Variants in PHIP observed in about 807,000 individuals in gnomAD.
The protein encoded by PHIP is PHIP subunit of CUL4-Ring ligase complex, also known as PH-interacting protein.
In PHIP, 54 loss-of-function variants were observed where a neutral mutation model predicts 236.8. That is an observed-to-expected ratio of 0.23 (90% CI 0.18 to 0.29). PHIP has a LOEUF of 0.29. PHIP is among the 10% of genes least tolerant of loss of function. The pLI is 1.00. For synonymous variants in PHIP, 756 were observed against 718.9 expected (o/e 1.05, Z -0.83); for missense variants, 1,370 against 2,190.8 (o/e 0.63, Z 7.48).
chr6:78,966,759 TGTC>T (rs1279484522), intron 27 of PHIP, among the ~76,000 whole-genome samples: 1 of 152,228 alleles, frequency 6.6e-6, no homozygotes, highest in African/African-American at 2.4e-5. Flanking sequence ...GTTCCTTCTG[TGTC>T]ATAAGAAAAC....
chr6:79,077,357 C>T lies in PHIP; in HGVS notation c.189+91G>A, dbSNP rs1774223517. ...CTTTGGAGCTTTCACGTTCTAGGGC[C>T]AAGTTTTTGTCTCTGTAAAAAATTG... On this transcript the variant is annotated intron_variant, in intron 4 of 39. Coordinates refer to ENST00000275034, the MANE Select transcript of PHIP (RefSeq NM_017934.7). The T allele has an allele frequency of 3.3e-6, 4 of 1,225,296 alleles. No individual in the cohort carries two copies. In the South Asian group the frequency reaches 3.6e-5, roughly 11 times the overall value. 75.9% of individuals were successfully genotyped at this position (1,225,296 alleles called of 1,614,324 possible).
chr6:79,048,907 T>C (rs991421910), intron 6 of PHIP, among the ~76,000 whole-genome samples: 4 of 152,108 alleles, frequency 2.6e-5, no homozygotes, highest in South Asian at 2.1e-4. Context: ...AGTAGAAGAA[T>C]TAAGTGAGGA....
At chr6:79,051,087 A>G (rs1020785524) in intron 6 of PHIP, among the ~76,000 whole-genome samples, 17 of 152,136 alleles carry the variant, frequency 1.1e-4, no homozygotes, top group South Asian at 6.2e-4. Flanking sequence ...TAGAGCCACA[A>G]TGGAAAGACC....
chr6:78,979,370 T>A (rs1390388793), intron 23 of PHIP, among the ~76,000 whole-genome samples: 4 of 152,050 alleles, frequency 2.6e-5, no homozygotes, highest in African/African-American at 9.7e-5. Flanking sequence ...TCTCCTTTCC[T>A]TTCAAAATGC....
At chr6:79,072,978 A>G (rs1359024370) in intron 4 of PHIP, among the ~76,000 whole-genome samples, 1 of 152,216 alleles carries the variant, frequency 6.6e-6, no homozygotes, top group Admixed American at 6.5e-5. Context: ...GTTATTACTC[A>G]CAGACCACAC....
chr6:78,984,200 T>A (rs1768724621), intron 22 of PHIP, among the ~76,000 whole-genome samples: 1 of 152,204 alleles, frequency 6.6e-6, no homozygotes, highest in Non-Finnish European at 1.5e-5. Context: ...CTGATTATCC[T>A]AATCATCCCA....
intron 4 of PHIP, among the ~76,000 whole-genome samples, chr6:79,075,823 A>G (rs1774129579): frequency 6.6e-6 from 1 of 152,146 alleles, no homozygotes; most frequent in African/African-American, 2.4e-5. Context: ...AGCAGATGCA[A>G]AGACGAGTTT....
Position 78,958,462 on chromosome 6 carries a change from A to C in PHIP, c.3782+13T>G. 7.0e-7 allele frequency: 1 copy of C among 1,418,574 alleles called. No individual in the cohort carries two copies. 87.9% of individuals were successfully genotyped at this position (1,418,574 alleles called of 1,614,324 possible). A position where few individuals can be genotyped will look rare whatever the true frequency, so the allele number is the denominator to read the frequency against. ...TTAAAACTATCATAATTACATATGAAAAGATAACTTACTTTATAAAATGTA... is the reference window on the plus strand; with the variant it reads ...TTAAAACTATCATAATTACATATGACAAGATAACTTACTTTATAAAATGTA... On this transcript the variant is annotated intron_variant, in intron 32 of 39. Transcript: ENST00000275034.
At chr6:79,031,682 T>G (rs1249316355) in intron 7 of PHIP, among the ~76,000 whole-genome samples, 4 of 152,242 alleles carry the variant, frequency 2.6e-5, no homozygotes, top group African/African-American at 9.6e-5. Context: ...AACACACTTC[T>G]GCACTTTAGG....
chr6:78,964,972 C>T (rs1287853300), intron 29 of PHIP, among the ~76,000 whole-genome samples: 1 of 152,080 alleles, frequency 6.6e-6, no homozygotes, highest in East Asian at 1.9e-4. Context: ...CAAAAATGGG[C>T]AATGAAGTGG....
chr6:79,038,445 G>T (rs1409927911), intron 7 of PHIP, among the ~76,000 whole-genome samples: 1 of 152,144 alleles, frequency 6.6e-6, no homozygotes, highest in East Asian at 1.9e-4. Flanking sequence ...GATTAATTAG[G>T]TTTCAACATA....
chr6:79,007,919 CA>C (rs1770373303), intron 15 of PHIP, among the ~76,000 whole-genome samples: 2 of 151,782 alleles, frequency 1.3e-5, no homozygotes, highest in South Asian at 2.1e-4. Flanking sequence ...AAACTAGATA[CA>C]AAAAAGACTC....
In PHIP at chr6:78,955,738, T is replaced by C. The variant is rs1052804433; in HGVS notation, c.3783-56A>G. 14 of 650,798 alleles carry C rather than the reference T, an allele frequency of 2.2e-5. No homozygotes were observed. The Admixed American group carries it at 3.9e-4, about 18-fold the overall frequency. The allele number at this position is 650,798 out of a possible 1,614,324, so 40.3% of individuals were successfully genotyped here. A position where few individuals can be genotyped will look rare whatever the true frequency, so the allele number is the denominator to read the frequency against. ...ATTAGAACCATGATAATTTTTTTCC[T>C]TAAAAATTTGTTCGTAAAACCATAT... is the stretch of plus-strand genomic sequence containing the variant. On this transcript the variant is annotated intron_variant, in intron 32 of 39. Coordinates refer to ENST00000275034, the MANE Select transcript of PHIP (RefSeq NM_017934.7).
intron 35 of PHIP, among the ~76,000 whole-genome samples, chr6:78,953,335 T>C (rs936310551): frequency 2.0e-5 from 3 of 152,212 alleles, no homozygotes; most frequent in Non-Finnish European, 4.4e-5. Flanking sequence ...TATCTCTGTA[T>C]AGTGTTAATA....
At chr6:79,069,239 A>T (rs1395931271) in intron 4 of PHIP, among the ~76,000 whole-genome samples, 1 of 149,806 alleles carries the variant, frequency 6.7e-6, no homozygotes, top group Non-Finnish European at 1.5e-5. Context: ...ACTATGTGAT[A>T]ATTACTGTGT....
rs1029918973 is a variant in PHIP, at chr6:78,963,376, CTT to C, written c.3380-126_3380-125del. The C allele has an allele frequency of 1.3e-4, 86 of 642,210 alleles. No homozygotes were observed. In the African/African-American group the frequency reaches 1.4e-3, roughly 10 times the overall value. 39.8% of individuals were successfully genotyped at this position (642,210 alleles called of 1,614,324 possible). The stretch of plus-strand genomic sequence containing the variant: ...TTTTGTATAGATTTGTAAATATACT[CTT>C]TATTTTAACAAAGGAAAGTATGTTT... On this transcript the variant is annotated intron_variant, in intron 29 of 39. Transcript: ENST00000275034.
intron 4 of PHIP, among the ~76,000 whole-genome samples, chr6:79,071,701 T>C (rs999412000): frequency 6.6e-6 from 1 of 152,144 alleles, no homozygotes; most frequent in Non-Finnish European, 1.5e-5. Flanking sequence ...TATTTTTCTA[T>C]GAATTCTGAA....
chr6:79,058,982 T>A (rs1162008526), intron 6 of PHIP, among the ~76,000 whole-genome samples: 1 of 152,046 alleles, frequency 6.6e-6, no homozygotes, highest in Non-Finnish European at 1.5e-5. Flanking sequence ...TATACCCTCG[T>A]CTCTCAAATT....
In PHIP at chr6:78,935,406, C is replaced by T. The variant is rs1773237474; in HGVS notation, c.*5287G>A. 1.4e-6 allele frequency: 1 copy of T among 718,960 alleles called. No individual in the cohort carries two copies. The highest frequency in any genetic ancestry group is 1.7e-6 in the Non-Finnish European group (1 of 586,824). The allele number at this position is 718,960 out of a possible 1,614,324, so 44.5% of individuals were successfully genotyped here. Reference sequence around the variant, plus strand: ...TCAATAAAAATGCATGCCAATCTGACAAAATTTCTAGGAAAACTGCAATAA... The same window carrying T: ...TCAATAAAAATGCATGCCAATCTGATAAAATTTCTAGGAAAACTGCAATAA... On this transcript the variant is annotated 3_prime_UTR_variant, in exon 40 of 40. Coordinates refer to ENST00000275034, the MANE Select transcript of PHIP (RefSeq NM_017934.7).
Sources: gnomAD v4.1 joint callset for allele counts (sites outside exome capture counted in the v4.1 genomes callset) on GRCh38, gnomAD v4.1.1 for gene constraint, MANE v1.5 for transcripts, NCBI Gene and HGNC (gene_info 2026-07-23, HGNC 2026-07-21) for gene names.